Variants in DDX55 observed in about 807,000 individuals in gnomAD.
DDX55 encodes DEAD-box helicase 55.
DDX55 carries 56 observed loss-of-function variants against 69.2 expected under a neutral mutation model. The observed-to-expected ratio is 0.81, with a 90% CI of 0.65 to 1.01. The LOEUF (loss-of-function observed/expected upper bound fraction) is 1.01, where lower values mean the gene tolerates loss of function less well. Among genes scored for constraint, DDX55 ranks in the 50% least tolerant of loss-of-function variants. The probability of loss-of-function intolerance (pLI) is 0.00; values close to 1 mark genes in which losing one functional copy is unlikely to be tolerated. For synonymous variants in DDX55, 268 were observed against 273.1 expected (o/e 0.98, Z 0.18); for missense variants, 720 against 745.1 (o/e 0.97, Z 0.39).
At chr12:123,608,656 T>G in intron 5 of DDX55, 24 bp from the exon 6 acceptor site, 1 of 1,609,368 alleles carries the variant, frequency 6.2e-7, no homozygotes, top group Non-Finnish European at 8.5e-7. Flanking sequence ...GAGAGTTTGG[T>G]AAATGTTAAC....
At chr12:123,604,752 TAAATA>T (rs2135686564) in intron 1 of DDX55, 1 of 152,372 alleles carries the variant, frequency 6.6e-6, no homozygotes, top group South Asian at 2.1e-4. Context: ...TATATTGGGT[TAAATA>T]AAATATTAAA....
intron 10 of DDX55, among the ~76,000 whole-genome samples, 189 bp from the exon 11 acceptor site, chr12:123,617,569 G>C (rs924954397): frequency 6.6e-6 from 1 of 152,210 alleles, no homozygotes; most frequent in Non-Finnish European, 1.5e-5. Context: ...TTACAGAATC[G>C]TATCTGTTTG....
chr12:123,607,041 C>T (rs1953934844), intron 3 of DDX55, among the ~76,000 whole-genome samples: 1 of 152,070 alleles, frequency 6.6e-6, no homozygotes, highest in African/African-American at 2.4e-5. Context: ...CTGTTGGCCA[C>T]GAGTTCAATG....
At position 123,607,505 on chromosome 12, in the gene DDX55, A is replaced by G. The variant is rs771831779; in HGVS notation, c.320A>G (p.Lys107Arg). The change falls in exon 4 of 14, where the codon AAG becomes AGG. Residue 107 changes from lysine (K) to arginine (R), a missense_variant. Coordinates refer to ENST00000238146, the MANE Select transcript of DDX55 (RefSeq NM_020936.3). The stretch of plus-strand genomic sequence containing the variant: ...GACGAGGTCCTGTCGCATTTCACGA[A>G]GCACTTCCCCGAGTTCAGGTGAATT... ...QIDEVLSHFT[K>R]HFPEFSQILW... 12 of 1,614,178 alleles carry G rather than the reference A, an allele frequency of 7.4e-6. No homozygotes were observed. Among genetic ancestry groups the G allele is most frequent in the Non-Finnish European group, 1.0e-5 (12 of 1,180,040 alleles).
rs1954040881 is a variant in DDX55 at position 123,608,846 on chromosome 12, T to G, written c.551+17T>G. On this transcript the variant is annotated intron_variant, in intron 6 of 13. Coordinates refer to ENST00000238146, the MANE Select transcript of DDX55 (RefSeq NM_020936.3). ...TGAGGCAAGGTACTGGACTTTGGAC[T>G]TCACTGGCTTGAGTGGGCAGATGAT... 6.2e-7 allele frequency: 1 copy of G among 1,607,134 alleles called. No homozygotes were observed. The highest frequency in any genetic ancestry group is 1.3e-5 in the African/African-American group (1 of 74,856).
Position 123,605,945 on chromosome 12 carries a change from T to G in DDX55, c.123T>G (p.Pro41=). 1 of 1,614,154 alleles carries G rather than the reference T, an allele frequency of 6.2e-7. No homozygotes were observed. The highest frequency in any genetic ancestry group is 1.1e-5 in the South Asian group (1 of 91,084). ...YMTPVQSATI[P]LFMRNKDVAA... is the part of the protein sequence containing the mutation. ...TCTCTCTTTAGTCCGCAACCATCCCTCTGTTCATGCGAAACAAAGATGTCG... is the reference window on the plus strand; with the variant it reads ...TCTCTCTTTAGTCCGCAACCATCCCGCTGTTCATGCGAAACAAAGATGTCG... Residue 41 remains proline, a synonymous_variant, in exon 2 of 14, where the codon CCT becomes CCG. Coordinates refer to ENST00000238146, the MANE Select transcript of DDX55 (RefSeq NM_020936.3).
chr12:123,604,541 C>T (rs891166948), intron 1 of DDX55, among the ~76,000 whole-genome samples: 4 of 152,088 alleles, frequency 2.6e-5, no homozygotes, highest in African/African-American at 7.2e-5. Flanking sequence ...AATCTCTGGC[C>T]TCAGAGCTCA....
rs1954033813 is a variant in DDX55 at position 123,608,716 on chromosome 12, G to A, written c.438G>A (p.Glu146=). The change falls in exon 6 of 14, where the codon GAG becomes GAA. Residue 146 remains glutamate, a synonymous_variant. Coordinates refer to ENST00000238146, the MANE Select transcript of DDX55 (RefSeq NM_020936.3). ...NIIVATPGRL[E]DMFRRKAEGL... Reference sequence around the variant, plus strand: ...TTGTGGCCACTCCAGGCCGCTTGGAGGACATGTTCCGGAGGAAGGCCGAAG... The same window carrying A: ...TTGTGGCCACTCCAGGCCGCTTGGAAGACATGTTCCGGAGGAAGGCCGAAG... 6.2e-7 allele frequency: 1 copy of A among 1,613,960 alleles called. No individual in the cohort carries two copies. Among genetic ancestry groups the A allele is most frequent in the Admixed American group, 1.7e-5 (1 of 60,010 alleles).
intron 6 of DDX55, 61 bp downstream of exon 6, chr12:123,608,890 C>T: frequency 6.9e-7 from 1 of 1,441,894 alleles, no homozygotes; most frequent in Non-Finnish European, 9.3e-7. Context: ...AAAAGGGGAG[C>T]AAAATGGAGT....
At chr12:123,607,809 T>C (rs1953985555) in intron 5 of DDX55, 147 bp downstream of exon 5, 3 of 1,108,076 alleles carry the variant, frequency 2.7e-6, no homozygotes, top group South Asian at 1.4e-5. Flanking sequence ...CAGCTTCCCA[T>C]TGTGCTTTGC....
At chr12:123,619,324 A>G in intron 12 of DDX55, 108 bp from the exon 13 acceptor site, 4 of 1,472,678 alleles carry the variant, frequency 2.7e-6, no homozygotes, top group Middle Eastern at 2.5e-4. Context: ...CATTCTAACT[A>G]AAATGAATGC....
chr12:123,617,888 TTTTCAGATAGAATGCCTA>T lies in DDX55; in HGVS notation c.1164+17_1164+34del. 1 of 853,820 alleles carries T rather than the reference TTTTCAGATAGAATGCCTA, an allele frequency of 1.2e-6. No individual in the cohort carries two copies. The highest frequency in any genetic ancestry group is 2.3e-5 in the South Asian group (1 of 44,186). The allele number at this position is 853,820 out of a possible 1,614,324, so 52.9% of individuals were successfully genotyped here. A position where few individuals can be genotyped will look rare whatever the true frequency, so the allele number is the denominator to read the frequency against. The stretch of plus-strand genomic sequence containing the variant: ...TAACCAAAAAGTAAGCTGCCGTCCG[TTTTCAGATAGAATGCCTA>T]GTGACGGGGTAGCTGGAAAAGTTCT... On this transcript the variant is annotated intron_variant, in intron 11 of 13. Coordinates refer to ENST00000238146, the MANE Select transcript of DDX55 (RefSeq NM_020936.3).
rs35576014 is a variant in DDX55 at position 123,610,605 on chromosome 12, CTTTTTTT to C, written c.741+495_741+501del. ...GACCTGCATCAAATATGCTGAGTTT[CTTTTTTT>C]TTTTTTTTTTTTTTTTTGAGACAGA... On this transcript the variant is annotated intron_variant, in intron 7 of 13. Coordinates refer to ENST00000238146, the MANE Select transcript of DDX55 (RefSeq NM_020936.3). Among the ~76,000 whole-genome samples, 9 of 90,042 alleles carry C rather than the reference CTTTTTTT, an allele frequency of 1.0e-4. No homozygotes were observed. The East Asian group carries it at 1.3e-3, about 13-fold the overall frequency. The allele number at this position is 90,042 out of a possible 152,430, so 59.1% of individuals were successfully genotyped here.
intron 10 of DDX55, 79 bp from the exon 11 acceptor site, chr12:123,617,679 C>T: frequency 3.0e-6 from 4 of 1,323,710 alleles, no homozygotes; most frequent in Non-Finnish European, 4.2e-6. Flanking sequence ...GTTTTAGCTG[C>T]AGCAGCCATG....
At chr12:123,607,360 C>A in intron 3 of DDX55, 72 bp from the exon 4 acceptor site, 1 of 1,519,954 alleles carries the variant, frequency 6.6e-7, no homozygotes, top group Admixed American at 1.9e-5. Context: ...TGGTAGAGGG[C>A]GGAGGGCCTA....
At position 123,605,964 on chromosome 12, in the gene DDX55, GAT is replaced by G; in HGVS notation, c.143_144del (p.Asp48GlyfsTer9). The G allele has an allele frequency of 1.9e-6, 3 of 1,614,178 alleles. No homozygotes were observed. The highest frequency in any genetic ancestry group is 2.5e-6 in the Non-Finnish European group (3 of 1,180,040). ...ATIPLFMRNK[D>X]VAAEAVTGSG... ...CATCCCTCTGTTCATGCGAAACAAA[GAT>G]GTCGCTGCAGAAGCGGTGAGTGCCT... On this transcript the variant is annotated frameshift_variant, in exon 2 of 14. Coordinates refer to ENST00000238146, the MANE Select transcript of DDX55 (RefSeq NM_020936.3). LOFTEE classifies it high-confidence loss of function.
chr12:123,617,821 C>G lies in DDX55; in HGVS notation c.1113C>G (p.Phe371Leu), dbSNP rs755985173. Residue 371 changes from phenylalanine to leucine, a missense_variant, in exon 11 of 14, where the codon TTC becomes TTG. Physicochemically the swap from Phe to Leu is conservative, Grantham distance 22. Coordinates refer to ENST00000238146, the MANE Select transcript of DDX55 (RefSeq NM_020936.3). The part of the protein sequence containing the change: ...RIGHGGSALV[F>L]LLPMEESYIN... The stretch of plus-strand genomic sequence containing the variant: ...GCCACGGGGGCAGCGCTCTGGTGTT[C>G]CTCCTGCCCATGGAAGAGTCATACA... 2 of 1,614,156 alleles carry G rather than the reference C, an allele frequency of 1.2e-6. No homozygotes were observed. The highest frequency in any genetic ancestry group is 1.1e-5 in the South Asian group (1 of 91,082).
intron 1 of DDX55, chr12:123,605,016 TTTA>T (rs1953798600): frequency 6.6e-6 from 1 of 152,070 alleles, no homozygotes. Context: ...CTGGTTGTAT[TTTA>T]TTTATTTATT....
chr12:123,619,403 C>T lies in DDX55; in HGVS notation c.1334-29C>T, dbSNP rs200963941. 35 of 1,596,820 alleles carry T rather than the reference C, an allele frequency of 2.2e-5. No homozygotes were observed. The South Asian group carries it at 2.8e-4, about 13-fold the overall frequency. On this transcript the variant is annotated intron_variant, in intron 12 of 13. Transcript: ENST00000238146. ...CTGATTGTTCTAATCCTGTTGAGTGCGCTAACTCTGATCTTCTGATTGAAT... is the reference window on the plus strand; with the variant it reads ...CTGATTGTTCTAATCCTGTTGAGTGTGCTAACTCTGATCTTCTGATTGAAT...
Sources: gnomAD v4.1 joint callset for allele counts (sites outside exome capture counted in the v4.1 genomes callset) on GRCh38, gnomAD v4.1.1 for gene constraint, MANE v1.5 for transcripts, NCBI Gene and HGNC (gene_info 2026-07-23, HGNC 2026-07-21) for gene names.